Variants in CERS6 observed in about 807,000 individuals in gnomAD.
CERS6 encodes ceramide synthase 6, also known as LAG1 homolog, ceramide synthase 6.
CERS6 carries 26 observed loss-of-function variants against 56.8 expected under a neutral mutation model. The ratio of observed to expected loss-of-function variants is 0.46; its 90% CI spans 0.34 to 0.63. The LOEUF (loss-of-function observed/expected upper bound fraction) is 0.63. CERS6 is among the 30% of genes least tolerant of loss of function. The pLI, the probability that CERS6 is intolerant of heterozygous loss-of-function variation, is 0.01. For missense variants in CERS6, 415 were observed against 467.5 expected (o/e 0.89, Z 1.04); for synonymous variants, 164 against 173.3 (o/e 0.95, Z 0.42).
rs58761886 is a variant in CERS6, at chr2:168,764,646, C to T, written c.846-946C>T. 2.6e-5 allele frequency among the ~76,000 whole-genome samples: 4 copies of T among 152,108 alleles called. No individual in the cohort carries two copies. The East Asian group carries it at 5.8e-4, about 22-fold the overall frequency. On this transcript the variant is annotated intron_variant, in intron 8 of 9. Transcript: ENST00000305747. ...CCACTGTGTTTTTCCCTGTGCTAGG[C>T]ATATGGCTTGTACTTAAGTAATGTT...
intron 4 of CERS6, among the ~76,000 whole-genome samples, chr2:168,679,531 T>C (rs1293227365): frequency 1.3e-5 from 2 of 152,230 alleles, no homozygotes; most frequent in East Asian, 3.8e-4. Context: ...ATTTCCCATC[T>C]TTTCTCTCTT....
chr2:168,563,048 C>G (rs1250030086), intron 3 of CERS6, among the ~76,000 whole-genome samples: 1 of 152,196 alleles, frequency 6.6e-6, no homozygotes, highest in African/African-American at 2.4e-5. Context: ...CCAGCCCCTA[C>G]TATGCTGAGT....
chr2:168,496,778 T>C lies in CERS6; in HGVS notation c.170+40160T>C, dbSNP rs143639523. Among the ~76,000 whole-genome samples, 509 of 152,324 alleles carry C rather than the reference T, an allele frequency of 3.3e-3. 3 individuals carry two copies. Among genetic ancestry groups the C allele is most frequent in the Middle Eastern group, 3.4e-3 (1 of 294 alleles). ...GAATCTCTAGCATGATCAGTGAACA[T>C]GATTGATGTAGGAATTTTCTAGATT... On this transcript the variant is annotated intron_variant, in intron 1 of 9. Transcript: ENST00000305747.
chr2:168,763,405 C>T (rs772378740), intron 8 of CERS6, among the ~76,000 whole-genome samples: 45 of 151,802 alleles, frequency 3.0e-4, no homozygotes, highest in Non-Finnish European at 4.6e-4. Context: ...CCAGCACACT[C>T]GGCTGATTTT....
At chr2:168,603,017 A>C (rs1683971579) in intron 3 of CERS6, among the ~76,000 whole-genome samples, 1 of 152,348 alleles carries the variant, frequency 6.6e-6, no homozygotes, top group African/African-American at 2.4e-5. Flanking sequence ...AATTATCAGC[A>C]TCCCTGGGTA....
At chr2:168,669,765 A>G (rs1408340293) in intron 4 of CERS6, among the ~76,000 whole-genome samples, 1 of 152,236 alleles carries the variant, frequency 6.6e-6, no homozygotes, top group Non-Finnish European at 1.5e-5. Flanking sequence ...ATAAAGTTAT[A>G]TACTCGCAGG....
intron 1 of CERS6, among the ~76,000 whole-genome samples, chr2:168,504,377 A>C (rs960779240): frequency 4.6e-5 from 7 of 152,136 alleles, no homozygotes; most frequent in African/African-American, 7.2e-5. Context: ...TTTAAACAAA[A>C]AAAAAAAGGA....
At chr2:168,740,287 A>G (rs540003034) in intron 8 of CERS6, among the ~76,000 whole-genome samples, 1 of 152,348 alleles carries the variant, frequency 6.6e-6, no homozygotes, top group Non-Finnish European at 1.5e-5. Context: ...TACTTTCTTA[A>G]CTTTTTCTAT....
chr2:168,531,008 A>T (rs1037565026), intron 1 of CERS6, among the ~76,000 whole-genome samples: 1 of 152,268 alleles, frequency 6.6e-6, no homozygotes, highest in African/African-American at 2.4e-5. Context: ...CTTTTAAAAA[A>T]TAATAAAATG....
intron 3 of CERS6, among the ~76,000 whole-genome samples, chr2:168,594,824 G>A (rs936562031): frequency 2.6e-5 from 4 of 152,094 alleles, no homozygotes; most frequent in Non-Finnish European, 5.9e-5. Flanking sequence ...TTAGCCATTA[G>A]CCACTCTTTA....
intron 1 of CERS6, among the ~76,000 whole-genome samples, chr2:168,520,598 CTTTTTTTTTTTTTTTTT>C (rs150724635): frequency 5.2e-5 from 3 of 57,894 alleles, no homozygotes; most frequent in East Asian, 7.4e-4. Flanking sequence ...TTACAATATC[CTTTTTTTTTTTTTTTTT>C]TTTTTTTTTT....
chr2:168,482,258 C>T (rs1019536609), intron 1 of CERS6, among the ~76,000 whole-genome samples: 1 of 152,148 alleles, frequency 6.6e-6, no homozygotes, highest in African/African-American at 2.4e-5. Context: ...ATGCTAATTT[C>T]CCATTTACTA....
intron 4 of CERS6, among the ~76,000 whole-genome samples, chr2:168,635,077 C>G (rs138774256): frequency 1.4e-3 from 218 of 152,288 alleles, no homozygotes; most frequent in African/African-American, 5.1e-3. Context: ...GTGTAAGCTC[C>G]TTATGTTGTT....
intron 3 of CERS6, among the ~76,000 whole-genome samples, chr2:168,565,972 A>G (rs527678192): frequency 2.0e-5 from 3 of 152,292 alleles, no homozygotes; most frequent in East Asian, 3.9e-4. Context: ...TTCTCTGACA[A>G]TTGCATCCAA....
intron 4 of CERS6, among the ~76,000 whole-genome samples, chr2:168,637,365 CCAGCTA>C (rs1187537810): frequency 6.6e-6 from 1 of 152,066 alleles, no homozygotes; most frequent in East Asian, 1.9e-4. Flanking sequence ...GCCTATAGTC[CCAGCTA>C]CTCAGGAGGC....
At chr2:168,540,543 A>G (rs993133470) in intron 1 of CERS6, among the ~76,000 whole-genome samples, 2 of 152,176 alleles carry the variant, frequency 1.3e-5, no homozygotes, top group East Asian at 1.9e-4. Context: ...AATACCATAT[A>G]TCTTAGGCGT....
intron 8 of CERS6, among the ~76,000 whole-genome samples, chr2:168,719,719 A>G (rs963888030): frequency 7.9e-5 from 12 of 152,202 alleles, no homozygotes; most frequent in African/African-American, 2.7e-4. Flanking sequence ...AAGACAGCAT[A>G]CACCATGATT....
chr2:168,708,755 G>C (rs7575369), intron 6 of CERS6, among the ~76,000 whole-genome samples: 22,358 of 151,974 alleles, frequency 0.15, 2,745 homozygotes, highest in African/African-American at 0.34. Flanking sequence ...TCTAAATCAG[G>C]CTTTAATTAA....
chr2:168,664,000 T>G (rs1685696083), intron 4 of CERS6, among the ~76,000 whole-genome samples: 1 of 152,238 alleles, frequency 6.6e-6, no homozygotes, highest in Admixed American at 6.5e-5. Flanking sequence ...AGGCTGCTTC[T>G]GCATTTCCAT....
Sources: allele counts gnomAD v4.1 joint callset (sites outside exome capture counted in the v4.1 genomes callset), GRCh38; gene constraint gnomAD v4.1.1; transcripts MANE v1.5; gene names NCBI Gene and HGNC (gene_info 2026-07-23, HGNC 2026-07-21).